Variants in NCAM2 observed in about 807,000 individuals in gnomAD.
The protein encoded by NCAM2 is neural cell adhesion molecule 2, also known as N-CAM-2.
NCAM2 carries 30 observed loss-of-function variants against 98.1 expected under a neutral mutation model. That is an observed-to-expected ratio of 0.31 (90% CI 0.23 to 0.41). NCAM2 has a LOEUF of 0.41. NCAM2 is among the 10% of genes least tolerant of loss of function. NCAM2 has a pLI of 1.00. For synonymous variants in NCAM2, 368 were observed against 342.4 expected (o/e 1.07, Z -0.83); for missense variants, 867 against 1,005.8 (o/e 0.86, Z 1.87).
intron 1 of NCAM2, among the ~76,000 whole-genome samples, chr21:21,185,085 C>A (rs1412464531): frequency 6.6e-6 from 1 of 152,050 alleles, no homozygotes; most frequent in Non-Finnish European, 1.5e-5. Flanking sequence ...TTTGATAGTA[C>A]CTCAAAGCAA....
intron 10 of NCAM2, among the ~76,000 whole-genome samples, chr21:21,411,733 G>A (rs777730510): frequency 6.6e-6 from 1 of 151,988 alleles, no homozygotes; most frequent in Non-Finnish European, 1.5e-5. Context: ...TTAGAATACC[G>A]TCTAATATCC....
At chr21:21,537,812 C>T (rs1163137219) in intron 17 of NCAM2, 34 bp from the exon 18 acceptor site, 1 of 1,172,510 alleles carries the variant, frequency 8.5e-7, no homozygotes, top group South Asian at 1.4e-5. Flanking sequence ...TTAAATACCT[C>T]AGAAAATGAA....
chr21:21,085,802 A>G (rs2065895206), intron 1 of NCAM2, among the ~76,000 whole-genome samples: 1 of 152,192 alleles, frequency 6.6e-6, no homozygotes, highest in South Asian at 2.1e-4. Flanking sequence ...ATTATTCAGC[A>G]TATTATCTGC....
At chr21:21,080,878 G>C (rs2065783693) in intron 1 of NCAM2, among the ~76,000 whole-genome samples, 1 of 152,032 alleles carries the variant, frequency 6.6e-6, no homozygotes, top group Non-Finnish European at 1.5e-5. Flanking sequence ...AGGCAGAAAG[G>C]GAGATTGAGG....
intron 9 of NCAM2, among the ~76,000 whole-genome samples, chr21:21,405,252 G>GA (rs1055190607): frequency 9.9e-5 from 15 of 151,788 alleles, no homozygotes; most frequent in Non-Finnish European, 1.9e-4. Flanking sequence ...TATTCTCAAT[G>GA]AAAAAAATGT....
At chr21:21,457,542 AG>A (rs1982332298) in intron 12 of NCAM2, among the ~76,000 whole-genome samples, 1 of 152,044 alleles carries the variant, frequency 6.6e-6, no homozygotes, top group Non-Finnish European at 1.5e-5. Context: ...CAGGAGGCTG[AG>A]GCAAGATAAT....
intron 8 of NCAM2, among the ~76,000 whole-genome samples, chr21:21,355,373 A>G (rs2075444107): frequency 6.6e-6 from 1 of 150,602 alleles, no homozygotes; most frequent in East Asian, 2.0e-4. Flanking sequence ...GAGGCAGGAG[A>G]ATCACTTGAA....
chr21:21,212,436 C>G (rs2069692843), intron 1 of NCAM2, among the ~76,000 whole-genome samples: 1 of 152,046 alleles, frequency 6.6e-6, no homozygotes, highest in Non-Finnish European at 1.5e-5. Flanking sequence ...TACAAAATGG[C>G]AAGAGAGATC....
intron 10 of NCAM2, among the ~76,000 whole-genome samples, chr21:21,413,022 GTA>G: frequency 6.6e-6 from 1 of 151,990 alleles, no homozygotes; most frequent in East Asian, 1.9e-4. Context: ...TTTTCTTTAA[GTA>G]TATATATTCA....
At chr21:21,458,631 C>T (rs1049609983) in intron 12 of NCAM2, among the ~76,000 whole-genome samples, 1 of 152,178 alleles carries the variant, frequency 6.6e-6, no homozygotes, top group Admixed American at 6.5e-5. Flanking sequence ...GACACTGAAC[C>T]TGCCAGCTCC....
chr21:21,503,999 G>A (rs1987807355), intron 15 of NCAM2, among the ~76,000 whole-genome samples: 2 of 151,862 alleles, frequency 1.3e-5, no homozygotes, highest in Non-Finnish European at 2.9e-5. Flanking sequence ...CATTTAAATA[G>A]TTGTTAAATA....
At chr21:21,536,463 C>T (rs987678551) in intron 17 of NCAM2, among the ~76,000 whole-genome samples, 1 of 151,100 alleles carries the variant, frequency 6.6e-6, no homozygotes, top group Non-Finnish European at 1.5e-5. Flanking sequence ...GCAATCTCAG[C>T]TCACCTCAAC....
At chr21:21,421,150 A>G (rs966897616) in intron 11 of NCAM2, among the ~76,000 whole-genome samples, 3 of 152,034 alleles carry the variant, frequency 2.0e-5, no homozygotes, top group Admixed American at 2.0e-4. Flanking sequence ...GGGTGTATTA[A>G]TATTTGGTAT....
intron 1 of NCAM2, among the ~76,000 whole-genome samples, chr21:21,258,100 A>G (rs2071746436): frequency 1.3e-5 from 2 of 152,214 alleles, no homozygotes; most frequent in Admixed American, 6.5e-5. Context: ...AGATTCACAC[A>G]CTTTTCATTA....
At chr21:21,207,149 C>T (rs1419682954) in intron 1 of NCAM2, among the ~76,000 whole-genome samples, 3 of 152,082 alleles carry the variant, frequency 2.0e-5, no homozygotes, top group South Asian at 2.1e-4. Flanking sequence ...GTTATGTAGT[C>T]ATAATTGTTT....
intron 4 of NCAM2, among the ~76,000 whole-genome samples, chr21:21,291,891 C>T (rs1444356): frequency 0.35 from 51,516 of 149,054 alleles, 9,661 homozygotes; most frequent in East Asian, 0.59. Flanking sequence ...TTATTTTATT[C>T]TTTTAGGAAA....
intron 1 of NCAM2, chr21:21,210,437 C>T (rs2069606639): frequency 2.2e-6 from 2 of 930,234 alleles, no homozygotes; most frequent in Non-Finnish European, 2.8e-6. Context: ...TTTAAGAGCA[C>T]CAGGACACTC....
chr21:21,321,363 G>T (rs540404373), intron 5 of NCAM2, among the ~76,000 whole-genome samples: 1 of 151,758 alleles, frequency 6.6e-6, no homozygotes, highest in Non-Finnish European at 1.5e-5. Context: ...TCTGTAGGCT[G>T]TCTGTTCATT....
chr21:21,467,863 A>T (rs1157560645), intron 13 of NCAM2, among the ~76,000 whole-genome samples: 1 of 151,982 alleles, frequency 6.6e-6, no homozygotes, highest in Non-Finnish European at 1.5e-5. Context: ...CTGCCTCAAA[A>T]AAAGAATGAA....
Sources: gnomAD v4.1 joint callset for allele counts (sites outside exome capture counted in the v4.1 genomes callset) on GRCh38, gnomAD v4.1.1 for gene constraint, MANE v1.5 for transcripts, NCBI Gene and HGNC (gene_info 2026-07-23, HGNC 2026-07-21) for gene names.